The following CHPF2 variants were observed in gnomAD, a reference collection of about 807,000 sequenced individuals.
The protein encoded by CHPF2 is chondroitin polymerizing factor 2, non-catalytic subunit.
Under a neutral mutation model 63.0 loss-of-function variants are expected in CHPF2, and 58 were observed. That is an observed-to-expected ratio of 0.92 (90% CI 0.75 to 1.15). CHPF2 has a LOEUF of 1.15. Among genes scored for constraint, CHPF2 ranks in the 50% most tolerant of loss-of-function variants. CHPF2 has a pLI of 0.00. For missense variants in CHPF2, 1,045 were observed against 1,035.4 expected (o/e 1.01, Z -0.13); for synonymous variants, 442 against 438.0 (o/e 1.01, Z -0.11).
At chr7:151,234,420 T>C in intron 1 of CHPF2, 146 bp downstream of exon 1, 1 of 549,188 alleles carries the variant, frequency 1.8e-6, no homozygotes, top group East Asian at 3.4e-5. Flanking sequence ...TCTTTCTGTT[T>C]TTTCCCTCCT....
rs1373049149 is a variant in CHPF2, at chr7:151,234,198, C to G, written c.187C>G (p.Gln63Glu). The G allele has an allele frequency of 1.2e-6, 2 of 1,613,580 alleles. No homozygotes were observed. The highest frequency in any genetic ancestry group is 1.7e-6 in the Non-Finnish European group (2 of 1,179,760). The change falls in exon 1 of 4, where the codon CAA becomes GAA. Residue 63 changes from glutamine to glutamate, a missense_variant. By Grantham distance (29) the Gln-to-Glu change is conservative. Coordinates refer to ENST00000035307, the MANE Select transcript of CHPF2 (RefSeq NM_019015.3). The part of the protein sequence containing the change: ...QNPDSRARLD[Q>E]SDEDFKPRIV... ...TCCAGATTCCAGAGCTCGGCTAGAC[C>G]AAAGTGATGAAGACTTCAAACCCCG...
chr7:151,236,306 A>G, intron 2 of CHPF2, 102 bp from the exon 3 acceptor site: 1 of 1,034,944 alleles, frequency 9.7e-7, no homozygotes, highest in Non-Finnish European at 1.4e-6. Flanking sequence ...CCTCTGTTCT[A>G]ACGCAGCAGT....
At chr7:151,236,132 T>C (rs1217769170) in intron 2 of CHPF2, among the ~76,000 whole-genome samples, 1 of 152,246 alleles carries the variant, frequency 6.6e-6, no homozygotes, top group African/African-American at 2.4e-5. Flanking sequence ...ATTTTTAATA[T>C]GTTATTTCTG....
At chr7:151,234,833 T>C (rs1052327134) in intron 1 of CHPF2, among the ~76,000 whole-genome samples, 3 of 150,504 alleles carry the variant, frequency 2.0e-5, no homozygotes, top group Non-Finnish European at 1.5e-5. Context: ...GCATCTAACC[T>C]ACCTAATCTA....
In CHPF2 at chr7:151,238,280, C is replaced by T. The variant is rs746261696; in HGVS notation, c.1918C>T (p.Pro640Ser). ...ACCACAGAGATCACCCCCAGGGCCC[C>T]CGGGGGCTGGCCCTGACCCCCCCTC... ...LSPQRSPPGP[P>S]GAGPDPPSPP... The change falls in exon 4 of 4, where the codon CCG (proline) becomes TCG (serine). Residue 640 changes from proline to serine, a missense_variant. Transcript: ENST00000035307. The T allele has an allele frequency of 6.2e-7, 1 of 1,611,668 alleles. No homozygotes were observed. Among genetic ancestry groups the T allele is most frequent in the Non-Finnish European group, 8.5e-7 (1 of 1,179,142 alleles).
chr7:151,235,693 T>C, intron 2 of CHPF2, 81 bp downstream of exon 2: 10 of 1,320,818 alleles, frequency 7.6e-6, no homozygotes, highest in African/African-American at 1.4e-5. Flanking sequence ...AGCAGCACCT[T>C]AGAGGCCATT....
At chr7:151,237,026 A>C (rs971560556) in intron 3 of CHPF2, 6 of 551,748 alleles carry the variant, frequency 1.1e-5, no homozygotes, top group Non-Finnish European at 2.1e-5. Flanking sequence ...GCAGAGGTGG[A>C]GTGTAGATGA....
Position 151,238,321 on chromosome 7 carries a change from C to T in CHPF2, c.1959C>T (p.Asp653=), listed in dbSNP as rs534743195. 12 of 1,610,136 alleles carry T rather than the reference C, an allele frequency of 7.5e-6. No individual in the cohort carries two copies. The Admixed American group carries it at 2.0e-4, about 27-fold the overall frequency. The part of the protein sequence containing the change: ...GPDPPSPPGA[D]PSRGAPIGGR... ...ACCCCCCCTCCCCTCCTGGTGCTGA[C>T]CCCTCCCGGGGGGCTCCTATAGGGG... is the stretch of plus-strand genomic sequence containing the variant. Residue 653 remains aspartate (D), a synonymous_variant, in exon 4 of 4, where the codon GAC becomes GAT. Transcript: ENST00000035307.
chr7:151,238,547 T>C lies in CHPF2; in HGVS notation c.2185T>C (p.Ser729Pro), dbSNP rs1266779202. 1.2e-6 allele frequency: 2 copies of C among 1,611,918 alleles called. No homozygotes were observed. Among genetic ancestry groups the C allele is most frequent in the African/African-American group, 2.7e-5 (2 of 75,014 alleles). The part of the protein sequence containing the change: ...AVEPGLVQKF[S>P]LRDCSPRLSE... The stretch of plus-strand genomic sequence containing the variant: ...AGAGCCAGGGCTGGTGCAGAAGTTC[T>C]CCCTGCGAGACTGCAGCCCACGGCT... The change falls in exon 4 of 4, where the codon TCC becomes CCC. Residue 729 changes from serine (S) to proline (P), a missense_variant. Coordinates refer to ENST00000035307, the MANE Select transcript of CHPF2 (RefSeq NM_019015.3).
At position 151,235,617 on chromosome 7, in the gene CHPF2, C is replaced by T; in HGVS notation, c.828+5C>T. 1 of 1,598,844 alleles carries T rather than the reference C, an allele frequency of 6.3e-7. No homozygotes were observed. Among genetic ancestry groups the T allele is most frequent in the East Asian group, 2.2e-5 (1 of 44,730 alleles). On this transcript the variant is annotated splice_donor_5th_base_variant and intron_variant, in intron 2 of 3. Coordinates refer to ENST00000035307, the MANE Select transcript of CHPF2 (RefSeq NM_019015.3). ...GGCTGTGTCTCACAGCACCAGGTGACAGCTCTTTCAAGTCAGTCCCAGTCC... is the reference window on the plus strand; with the variant it reads ...GGCTGTGTCTCACAGCACCAGGTGATAGCTCTTTCAAGTCAGTCCCAGTCC...
In CHPF2 at chr7:151,237,995, G is replaced by T; in HGVS notation, c.1633G>T (p.Val545Leu). The change falls in exon 4 of 4, where the codon GTG becomes TTG. Residue 545 changes from valine (V) to leucine (L), a missense_variant. Val to Leu is a conservative substitution (Grantham distance 32). Transcript: ENST00000035307. ...GRGAPDPFLG[V>L]KAAAAELERR... ...TGGAGCTCCAGACCCATTTCTTGGG[G>T]TGAAGGCTGCAGCAGCGGAGTTAGA... 1 of 1,613,176 alleles carries T rather than the reference G, an allele frequency of 6.2e-7. No individual in the cohort carries two copies. The highest frequency in any genetic ancestry group is 2.2e-5 in the East Asian group (1 of 44,884).
intron 3 of CHPF2, 49 bp from the exon 4 acceptor site, chr7:151,237,325 T>A (rs776512248): frequency 6.8e-7 from 1 of 1,463,608 alleles, no homozygotes; most frequent in Admixed American, 1.9e-5. Flanking sequence ...TGGAGCTGGG[T>A]AGGATCCTGG....
Position 151,235,423 on chromosome 7 carries a change from C to A in CHPF2, c.639C>A (p.Phe213Leu). 1 of 1,612,836 alleles carries A rather than the reference C, an allele frequency of 6.2e-7. No individual in the cohort carries two copies. Residue 213 changes from phenylalanine (F) to leucine (L), a missense_variant, in exon 2 of 4, where the codon TTC becomes TTA. Coordinates refer to ENST00000035307, the MANE Select transcript of CHPF2 (RefSeq NM_019015.3). Reference sequence around the variant, plus strand: ...TGTACTTAGGCCGGGCAGAGGAGTTCATTGGCGCAGGCGAGCAGGCCCGGT... The same window carrying A: ...TGTACTTAGGCCGGGCAGAGGAGTTAATTGGCGCAGGCGAGCAGGCCCGGT... ...QDLYLGRAEE[F>L]IGAGEQARYC...
Position 151,237,613 on chromosome 7 carries a change from C to T in CHPF2, c.1251C>T (p.Arg417=), listed in dbSNP as rs1244860675. The part of the protein sequence containing the change: ...LETALEQLNR[R]YQPRLRFQKQ... Reference sequence around the variant, plus strand: ...CTGCCCTGGAGCAGCTCAATCGGCGCTATCAGCCCCGCCTGCGCTTCCAGA... The same window carrying T: ...CTGCCCTGGAGCAGCTCAATCGGCGTTATCAGCCCCGCCTGCGCTTCCAGA... The change falls in exon 4 of 4, where the codon CGC becomes CGT. Residue 417 remains arginine, a synonymous_variant. Transcript: ENST00000035307. 1.2e-5 allele frequency: 19 copies of T among 1,612,966 alleles called. No individual in the cohort carries two copies. The highest frequency in any genetic ancestry group is 1.3e-5 in the Non-Finnish European group (15 of 1,179,920).
chr7:151,236,607 C>T lies in CHPF2; in HGVS notation c.1011+17C>T. The T allele has an allele frequency of 6.5e-7, 1 of 1,546,510 alleles. No homozygotes were observed. On this transcript the variant is annotated intron_variant, in intron 3 of 3. Transcript: ENST00000035307. ...CAACTGCAGGTGAGCTGAAGAGGAG[C>T]AGGTGGGCAGAGGACCGCAGTCAGA...
chr7:151,238,245 C>T lies in CHPF2; in HGVS notation c.1883C>T (p.Pro628Leu). 3.1e-6 allele frequency: 5 copies of T among 1,612,894 alleles called. No homozygotes were observed. The highest frequency in any genetic ancestry group is 4.2e-6 in the Non-Finnish European group (5 of 1,179,970). Residue 628 changes from proline (P) to leucine (L), a missense_variant, in exon 4 of 4, where the codon CCT becomes CTT. Physicochemically the swap from Pro to Leu is moderately conservative, Grantham distance 98. Transcript: ENST00000035307. ...FFPVHFQEFN[P>L]ALSPQRSPPG... ...CCAGTCCATTTCCAGGAGTTCAATC[C>T]TGCCCTGTCACCACAGAGATCACCC...
rs1378531732 is a variant in CHPF2, at chr7:151,235,409, CG to C, written c.628del (p.Ala210GlnfsTer91). 3.7e-6 allele frequency: 6 copies of C among 1,613,082 alleles called. No homozygotes were observed. The highest frequency in any genetic ancestry group is 5.1e-6 in the Non-Finnish European group (6 of 1,180,044). Reference sequence around the variant, plus strand: ...CATCAACCAAGACCTGTACTTAGGCCGGGCAGAGGAGTTCATTGGCGCAGGC... The same window carrying C: ...CATCAACCAAGACCTGTACTTAGGCCGGCAGAGGAGTTCATTGGCGCAGGC... ...LSINQDLYLG[R>X]AEEFIGAGEQ... On this transcript the variant is annotated frameshift_variant, in exon 2 of 4. Transcript: ENST00000035307. LOFTEE classifies it high-confidence loss of function.
rs527352584 is a variant in CHPF2 at position 151,235,759 on chromosome 7, C to T, written c.828+147C>T. The T allele has an allele frequency of 2.0e-5, 15 of 762,772 alleles. 1 individual carries two copies. In the South Asian group the frequency reaches 2.3e-4, roughly 12 times the overall value. The allele number at this position is 762,772 out of a possible 1,614,324, so 47.3% of individuals were successfully genotyped here. A position where few individuals can be genotyped will look rare whatever the true frequency, so the allele number is the denominator to read the frequency against. Reference sequence around the variant, plus strand: ...TGGGCCCTCCGTTGCTCACCTTTGGCAATCTGAGAACCTGGGGCTATCAAA... The same window carrying T: ...TGGGCCCTCCGTTGCTCACCTTTGGTAATCTGAGAACCTGGGGCTATCAAA... On this transcript the variant is annotated intron_variant, in intron 2 of 3. Transcript: ENST00000035307.
In CHPF2 at chr7:151,237,598, G is replaced by A. The variant is rs964827971; in HGVS notation, c.1236G>A (p.Glu412=). Residue 412 remains glutamate, a synonymous_variant, in exon 4 of 4, where the codon GAG becomes GAA. Coordinates refer to ENST00000035307, the MANE Select transcript of CHPF2 (RefSeq NM_019015.3). ...GTGATGCGTTGGAGACTGCCCTGGA[G>A]CAGCTCAATCGGCGCTATCAGCCCC... is the stretch of plus-strand genomic sequence containing the variant. ...DVGDALETAL[E]QLNRRYQPRL... The A allele has an allele frequency of 6.2e-7, 1 of 1,613,506 alleles. No individual in the cohort carries two copies. The highest frequency in any genetic ancestry group is 1.1e-5 in the South Asian group (1 of 91,090).
Sources: gnomAD v4.1 joint callset for allele counts (sites outside exome capture counted in the v4.1 genomes callset) on GRCh38, gnomAD v4.1.1 for gene constraint, MANE v1.5 for transcripts, NCBI Gene and HGNC (gene_info 2026-07-23, HGNC 2026-07-21) for gene names.